The following ADAMTSL3 variants were observed in gnomAD, a reference collection of about 807,000 sequenced individuals.
The protein encoded by ADAMTSL3 is ADAMTS like 3.
A neutral mutation model predicts 201.7 loss-of-function variants in ADAMTSL3; 128 were observed. The observed-to-expected ratio is 0.63, with a 90% CI of 0.55 to 0.73. The LOEUF (loss-of-function observed/expected upper bound fraction) is 0.73, where lower values mean the gene tolerates loss of function less well. Ranked by LOEUF, ADAMTSL3 falls within the 30% of genes least tolerant of loss-of-function variation. ADAMTSL3 has a pLI of 0.00. For synonymous variants in ADAMTSL3, 738 were observed against 748.4 expected, an observed-to-expected ratio of 0.99 and a Z score of 0.23; for missense variants, 1,990 against 2,119.6, an observed-to-expected ratio of 0.94 and a Z score of 1.20.
chr15:84,019,916 C>G (rs987581067), intron 25 of ADAMTSL3, among the ~76,000 whole-genome samples: 13 of 140,620 alleles, frequency 9.2e-5, no homozygotes, highest in Admixed American at 5.7e-4. Context: ...AAAAAAGAAA[C>G]CAAATACACA....
intron 9 of ADAMTSL3, among the ~76,000 whole-genome samples, chr15:83,873,249 A>C (rs1325304690): frequency 1.4e-5 from 2 of 145,380 alleles, no homozygotes; most frequent in African/African-American, 5.3e-5. Flanking sequence ...GGTTGCAGTG[A>C]GCCAAGATCG....
intron 20 of ADAMTSL3, among the ~76,000 whole-genome samples, chr15:83,970,845 A>G (rs910090092): frequency 6.6e-6 from 1 of 152,212 alleles, no homozygotes. Flanking sequence ...ATGTCCGCCC[A>G]CTTAACAAAT....
intron 27 of ADAMTSL3, 100 bp from the exon 28 acceptor site, chr15:84,031,235 G>T: frequency 8.4e-7 from 1 of 1,189,386 alleles, no homozygotes; most frequent in Non-Finnish European, 1.2e-6. Context: ...CAGTCCCCTT[G>T]TAATAGGTCT....
chr15:84,015,484 A>G (rs1596538665), intron 24 of ADAMTSL3, among the ~76,000 whole-genome samples: 3 of 152,282 alleles, frequency 2.0e-5, no homozygotes, highest in South Asian at 4.2e-4. Flanking sequence ...TTCTTGTGAT[A>G]CTTATGATAG....
chr15:83,858,981 C>T (rs910697309), intron 8 of ADAMTSL3, 141 bp downstream of exon 8: 24 of 646,602 alleles, frequency 3.7e-5, no homozygotes, highest in African/African-American at 1.3e-4. Context: ...ACTGAACTTG[C>T]GTCCACTTAC....
chr15:83,792,020 G>T (rs868549081), intron 4 of ADAMTSL3, among the ~76,000 whole-genome samples: 1 of 151,928 alleles, frequency 6.6e-6, no homozygotes, highest in East Asian at 1.9e-4. Flanking sequence ...TGGACAAATG[G>T]GATTACATCA....
At chr15:84,024,915 A>G (rs2068275060) in intron 26 of ADAMTSL3, among the ~76,000 whole-genome samples, 1 of 152,014 alleles carries the variant, frequency 6.6e-6, no homozygotes, top group African/African-American at 2.4e-5. Flanking sequence ...AGTGAGTTGA[A>G]CTCCACCTTT....
In ADAMTSL3 at chr15:83,804,693, C is replaced by T. The variant is rs1297457797; in HGVS notation, c.361C>T (p.His121Tyr). The T allele has an allele frequency of 1.3e-6, 2 of 1,576,948 alleles. No individual in the cohort carries two copies. The highest frequency in any genetic ancestry group is 1.7e-6 in the Non-Finnish European group (2 of 1,163,638). ...CATTCGGTACAAGACATGCAGCAAT[C>T]ATGTAAGTCATAAAATAAAATTATT... is the stretch of plus-strand genomic sequence containing the variant. Reference protein sequence around the residue: ...QNIRYKTCSNHDCPPDAEDFR... With the variant: ...QNIRYKTCSNYDCPPDAEDFR... Residue 121 changes from histidine (H) to tyrosine (Y), a missense_variant and splice_region_variant, in exon 5 of 30, where the codon CAT (histidine) becomes TAT (tyrosine). By Grantham distance (83) the His-to-Tyr change is moderately conservative. Coordinates refer to ENST00000286744, the MANE Select transcript of ADAMTSL3 (RefSeq NM_207517.3).
intron 3 of ADAMTSL3, among the ~76,000 whole-genome samples, chr15:83,751,415 T>C (rs1216227269): frequency 1.3e-4 from 20 of 152,176 alleles, no homozygotes; most frequent in Non-Finnish European, 2.5e-4. Flanking sequence ...GATAGGGGGA[T>C]GGACATAATT....
chr15:83,850,921 A>G (rs539098197), intron 7 of ADAMTSL3, among the ~76,000 whole-genome samples: 1 of 152,296 alleles, frequency 6.6e-6, no homozygotes, highest in African/African-American at 2.4e-5. Context: ...TCTGCCCTTT[A>G]TGACTTGAGT....
At chr15:83,869,451 A>G (rs2065040500) in intron 8 of ADAMTSL3, among the ~76,000 whole-genome samples, 1 of 152,172 alleles carries the variant, frequency 6.6e-6, no homozygotes, top group South Asian at 2.1e-4. Context: ...TTCTTCGACC[A>G]CTAATGACTC....
At chr15:83,885,237 A>G (rs369006979) in intron 10 of ADAMTSL3, 25 bp downstream of exon 10, 3 of 1,534,442 alleles carry the variant, frequency 2.0e-6, no homozygotes, top group African/African-American at 1.4e-5. Flanking sequence ...TTGTTCATGA[A>G]TATTTAGAGC....
At chr15:83,849,418 G>A (rs1011473888) in intron 7 of ADAMTSL3, among the ~76,000 whole-genome samples, 4 of 152,116 alleles carry the variant, frequency 2.6e-5, no homozygotes, top group Admixed American at 6.6e-5. Context: ...GAGCCACCAC[G>A]CCCAGCCACC....
intron 6 of ADAMTSL3, among the ~76,000 whole-genome samples, chr15:83,823,207 A>AGAGGGGGAGGGGGAGGGG (rs1330783191): frequency 1.6e-5 from 1 of 63,034 alleles, no homozygotes; most frequent in African/African-American, 6.6e-5. Context: ...AGGGTGAGGG[A>AGAGGGGGAGGGGGAGGGG]GAGGGTGAGG....
intron 3 of ADAMTSL3, among the ~76,000 whole-genome samples, chr15:83,729,990 A>T (rs1478639424): frequency 6.6e-6 from 1 of 152,104 alleles, no homozygotes; most frequent in African/African-American, 2.4e-5. Flanking sequence ...GGGCACCCCA[A>T]GCCCAATAAC....
intron 3 of ADAMTSL3, among the ~76,000 whole-genome samples, chr15:83,737,227 A>G (rs1428866296): frequency 3.9e-5 from 6 of 152,168 alleles, no homozygotes; most frequent in Non-Finnish European, 8.8e-5. Flanking sequence ...GTGTGGGGGA[A>G]AATAGAGAAA....
intron 1 of ADAMTSL3, 21 bp from the exon 2 acceptor site, chr15:83,655,708 G>A: frequency 6.3e-7 from 1 of 1,581,632 alleles, no homozygotes; most frequent in Non-Finnish European, 8.7e-7. Context: ...GGTTGGTAAT[G>A]AACTCTTTCC....
intron 19 of ADAMTSL3, among the ~76,000 whole-genome samples, chr15:83,952,037 G>A (rs2066768439): frequency 2.0e-5 from 3 of 152,064 alleles, no homozygotes; most frequent in African/African-American, 7.2e-5. Flanking sequence ...TAGCTAAGAT[G>A]TATTGTTAGG....
intron 20 of ADAMTSL3, among the ~76,000 whole-genome samples, chr15:83,979,128 G>A (rs554097037): frequency 1.6e-4 from 25 of 152,356 alleles, no homozygotes; most frequent in Admixed American, 1.4e-3. Context: ...TTAGCCAGAC[G>A]TTTCCCCATG....
Sources: gnomAD v4.1 joint callset for allele counts (sites outside exome capture counted in the v4.1 genomes callset) on GRCh38, gnomAD v4.1.1 for gene constraint, MANE v1.5 for transcripts, NCBI Gene and HGNC (gene_info 2026-07-23, HGNC 2026-07-21) for gene names.